CCSER1: variants seen among roughly 807,000 people sequenced by gnomAD.
CCSER1 encodes the protein coiled-coil serine rich protein 1.
A neutral mutation model predicts 82.0 loss-of-function variants in CCSER1; 41 were observed. The observed-to-expected ratio is 0.50, with a 90% CI of 0.39 to 0.65. CCSER1 has a LOEUF of 0.65. CCSER1 is among the 30% of genes least tolerant of loss of function. CCSER1 has a pLI of 0.00. For synonymous variants in CCSER1, 414 were observed against 383.9 expected, an observed-to-expected ratio of 1.08 and a Z score of -0.92; for missense variants, 1,119 against 1,064.2, an observed-to-expected ratio of 1.05 and a Z score of -0.72.
At chr4:90,510,453 C>G (rs1771339359) in intron 5 of CCSER1, among the ~76,000 whole-genome samples, 1 of 152,096 alleles carries the variant, frequency 6.6e-6, no homozygotes, top group African/African-American at 2.4e-5. Context: ...TATGTCTTAT[C>G]TTAAAAATAA....
chr4:90,705,730 G>A (rs1739207354), intron 6 of CCSER1, among the ~76,000 whole-genome samples: 1 of 152,212 alleles, frequency 6.6e-6, no homozygotes, highest in African/African-American at 2.4e-5. Flanking sequence ...AGGCTGCTGT[G>A]CTAGCAATGA....
At chr4:91,167,912 C>T (rs982741435) in intron 10 of CCSER1, among the ~76,000 whole-genome samples, 7 of 148,344 alleles carry the variant, frequency 4.7e-5, no homozygotes, top group Admixed American at 3.3e-4. Context: ...CCGGCCGCCA[C>T]CCCGTCTGGG....
At chr4:90,822,390 G>T (rs1198909908) in intron 8 of CCSER1, among the ~76,000 whole-genome samples, 2 of 152,110 alleles carry the variant, frequency 1.3e-5, no homozygotes, top group Non-Finnish European at 2.9e-5. Flanking sequence ...GCCGATCGGG[G>T]TAAAATGTAT....
At chr4:90,719,593 G>T (rs1742316985) in intron 6 of CCSER1, among the ~76,000 whole-genome samples, 1 of 152,092 alleles carries the variant, frequency 6.6e-6, no homozygotes, top group Non-Finnish European at 1.5e-5. Flanking sequence ...CACTTTTCTT[G>T]TTAAGCACTG....
At chr4:90,282,376 A>G (rs1047591033) in intron 1 of CCSER1, among the ~76,000 whole-genome samples, 8 of 151,664 alleles carry the variant, frequency 5.3e-5, no homozygotes, top group Non-Finnish European at 1.2e-4. Context: ...TGTTAAGTAA[A>G]AGTGATATAG....
At chr4:90,509,904 A>G (rs948623574) in intron 5 of CCSER1, among the ~76,000 whole-genome samples, 2 of 152,218 alleles carry the variant, frequency 1.3e-5, no homozygotes, top group Non-Finnish European at 2.9e-5. Context: ...AAACAATTTT[A>G]TCTAACCAAT....
At chr4:90,911,288 T>G (rs1183346907) in intron 8 of CCSER1, 1 of 456,206 alleles carries the variant, frequency 2.2e-6, no homozygotes, top group Admixed American at 2.3e-5. Flanking sequence ...GAGAGGAGGT[T>G]TTATTTGCTT....
intron 4 of CCSER1, among the ~76,000 whole-genome samples, chr4:90,420,313 A>G (rs10015371): frequency 0.27 from 40,862 of 151,848 alleles, 8,935 homozygotes; most frequent in African/African-American, 0.6. Context: ...GTGTTAAATG[A>G]TGTACTTAAG....
At chr4:91,084,901 G>T (rs1049985659) in intron 9 of CCSER1, among the ~76,000 whole-genome samples, 36 of 151,886 alleles carry the variant, frequency 2.4e-4, no homozygotes, top group African/African-American at 8.2e-4. Context: ...AAAAAACCCT[G>T]AAAATTTTTT....
At chr4:90,918,239 C>A (rs1727808429) in intron 8 of CCSER1, 2 of 455,344 alleles carry the variant, frequency 4.4e-6, no homozygotes, top group Non-Finnish European at 8.8e-6. Flanking sequence ...GATTCTAAAG[C>A]AAACTACTAC....
intron 5 of CCSER1, 23 bp downstream of exon 5, chr4:90,468,377 C>A: frequency 6.3e-7 from 1 of 1,591,424 alleles, no homozygotes; most frequent in South Asian, 1.2e-5. Context: ...TTTAATTTTT[C>A]AAGGCCTTGT....
chr4:90,620,985 G>A (rs914463139), intron 5 of CCSER1, among the ~76,000 whole-genome samples: 2 of 151,834 alleles, frequency 1.3e-5, no homozygotes, highest in African/African-American at 2.4e-5. Flanking sequence ...GGCTAATTTT[G>A]TATTTTTATT....
rs546858422 is a variant in CCSER1 at position 91,493,714 on chromosome 4, GAATTAT to G, written c.2218-104852_2218-104847del. On this transcript the variant is annotated intron_variant, in intron 10 of 10. Coordinates refer to ENST00000509176, the MANE Select transcript of CCSER1 (RefSeq NM_001145065.2). The stretch of plus-strand genomic sequence containing the variant: ...TAGTGAATTATGATTAATTCACTAT[GAATTAT>G]AATTAAAATATTATAATTTCATCAA... Among the ~76,000 whole-genome samples, 603 of 151,508 alleles carry G rather than the reference GAATTAT, an allele frequency of 4.0e-3. 8 individuals carry two copies. Among genetic ancestry groups the G allele is most frequent in the Middle Eastern group, 0.02 (6 of 294 alleles).
At chr4:90,304,758 C>T (rs964246376) in intron 1 of CCSER1, among the ~76,000 whole-genome samples, 4 of 151,922 alleles carry the variant, frequency 2.6e-5, no homozygotes, top group Non-Finnish European at 4.4e-5. Flanking sequence ...TGTAACTAAC[C>T]TGCACATTGC....
At chr4:90,759,183 C>G (rs1161394105) in intron 7 of CCSER1, among the ~76,000 whole-genome samples, 1 of 152,182 alleles carries the variant, frequency 6.6e-6, no homozygotes, top group Non-Finnish European at 1.5e-5. Flanking sequence ...TGTTAATCCT[C>G]TGTAACCCTC....
chr4:91,076,961 C>A (rs1279640147), intron 9 of CCSER1, among the ~76,000 whole-genome samples: 2 of 152,160 alleles, frequency 1.3e-5, no homozygotes, highest in Non-Finnish European at 2.9e-5. Flanking sequence ...GAGGGAAATA[C>A]ACAAAGAGCT....
chr4:90,263,306 A>G (rs1482675328), intron 1 of CCSER1, among the ~76,000 whole-genome samples: 1 of 152,054 alleles, frequency 6.6e-6, no homozygotes, highest in African/African-American at 2.4e-5. Context: ...GGGCTGCCAC[A>G]CTCTGGACTC....
chr4:91,284,768 A>T (rs990234637), intron 10 of CCSER1, among the ~76,000 whole-genome samples: 3 of 152,086 alleles, frequency 2.0e-5, no homozygotes, highest in Non-Finnish European at 2.9e-5. Context: ...AATCCATCTT[A>T]ATATGATGTT....
chr4:90,303,838 A>G (rs1279260372), intron 1 of CCSER1, among the ~76,000 whole-genome samples: 1 of 151,058 alleles, frequency 6.6e-6, no homozygotes, highest in Non-Finnish European at 1.5e-5. Context: ...GCACAGCAAA[A>G]GAAACTACCA....
Sources: allele counts gnomAD v4.1 joint callset (sites outside exome capture counted in the v4.1 genomes callset), GRCh38; gene constraint gnomAD v4.1.1; transcripts MANE v1.5; gene names NCBI Gene and HGNC (gene_info 2026-07-23, HGNC 2026-07-21).